The following BSN variants were observed in gnomAD, a reference collection of about 807,000 sequenced individuals.
BSN encodes protein bassoon.
A neutral mutation model predicts 264.8 loss-of-function variants in BSN; 57 were observed. That is an observed-to-expected ratio of 0.22 (90% confidence interval 0.17 to 0.27). The LOEUF (loss-of-function observed/expected upper bound fraction) is 0.27. Ranked by LOEUF, BSN falls within the 10% of genes least tolerant of loss-of-function variation. BSN has a pLI of 1.00. For synonymous variants in BSN, 2,059 were observed against 2,137.3 expected (o/e 0.96, Z 1.01); for missense variants, 4,615 against 5,232.5 (o/e 0.88, Z 3.64).
In BSN at chr3:49,585,222, T is replaced by A. The variant is rs1432962845; in HGVS notation, c.224+30396T>A. On this transcript the variant is annotated intron_variant, in intron 1 of 11. Transcript: ENST00000296452. This position sits in a 1 kb window ranked among gnomAD's most constrained non-coding sequence, Gnocchi z 4.7. ...TTGTTTTTTTTTTAATTTTAATTTT[T>A]ATTTTATTGAATTATTTTTGGTGTG... Among the ~76,000 whole-genome samples, 6 of 152,272 alleles carry A rather than the reference T, an allele frequency of 3.9e-5. No homozygotes were observed. The highest frequency in any genetic ancestry group is 2.1e-4 in the South Asian group (1 of 4,820).
chr3:49,633,375 G>C (rs771641455), intron 2 of BSN, among the ~76,000 whole-genome samples: 3 of 151,836 alleles, frequency 2.0e-5, no homozygotes, highest in African/African-American at 7.3e-5. Flanking sequence ...TTGAAACTAC[G>C]GTGAGATACC....
rs753853859 is a variant in BSN at position 49,654,124 on chromosome 3, C to T, written c.4568C>T (p.Ala1523Val). 5.0e-6 allele frequency: 8 copies of T among 1,613,992 alleles called. No individual in the cohort carries two copies. The South Asian group carries it at 8.8e-5, about 18-fold the overall frequency. ...PASDMPRSPGAPTPSPMVAQG... is the reference protein window; with the variant it reads ...PASDMPRSPGVPTPSPMVAQG... ...TCAGACATGCCACGGAGCCCTGGTGCCCCCACTCCATCACCTATGGTAGCC... is the reference window on the plus strand; with the variant it reads ...TCAGACATGCCACGGAGCCCTGGTGTCCCCACTCCATCACCTATGGTAGCC... The change falls in exon 5 of 12, where the codon GCC becomes GTC. Residue 1523 changes from alanine to valine, a missense_variant. Physicochemically the swap from Ala to Val is moderately conservative, Grantham distance 64 (BLOSUM62 0). This residue lies in a region of BSN where 3,415 missense variants were observed against 3,866.4 expected (regional missense o/e 0.88). Coordinates refer to ENST00000296452, the MANE Select transcript of BSN (RefSeq NM_003458.4). This position sits in a 1 kb window ranked among gnomAD's most constrained non-coding sequence, Gnocchi z 4.1.
intron 1 of BSN, among the ~76,000 whole-genome samples, chr3:49,567,358 G>A (rs527800793): frequency 2.6e-5 from 4 of 152,206 alleles, no homozygotes; most frequent in South Asian, 4.1e-4. Context: ...TCAGTTTTCT[G>A]TTGTTACCGT....
At position 49,668,586 on chromosome 3, in the gene BSN, C is replaced by T. The variant is rs1480728276; in HGVS notation, c.*1101C>T. The T allele has an allele frequency of 6.6e-6, 1 of 152,258 alleles. No homozygotes were observed. Among genetic ancestry groups the T allele is most frequent in the East Asian group, 2.0e-4 (1 of 5,122 alleles). The allele number at this position is 152,258 out of a possible 1,614,324, so 9.4% of individuals were successfully genotyped here. A position where few individuals can be genotyped will look rare whatever the true frequency, so the allele number is the denominator to read the frequency against. On this transcript the variant is annotated 3_prime_UTR_variant, in exon 12 of 12. Transcript: ENST00000296452. ...GGCCACCAAGAGCACAACCCCAGGG[C>T]GAGGTCTGGGGAGGCCTCCCAGCCC...
Position 49,653,914 on chromosome 3 carries a change from CCTT to C in BSN, c.4359_4361del (p.Leu1454del), listed in dbSNP as rs1319705220. The C allele has an allele frequency of 1.9e-6, 3 of 1,614,044 alleles. No individual in the cohort carries two copies. The East Asian group carries it at 6.7e-5, about 36-fold the overall frequency. ...GCTGGACGAGCTGCTAGAGAGAAGC[CCTT>C]GAGTGCGAGTGACGGTGAGGGTGGC... is the stretch of plus-strand genomic sequence containing the variant. On this transcript the variant is annotated inframe_deletion, in exon 5 of 12. Transcript: ENST00000296452. This position sits in a 1 kb window ranked among gnomAD's most constrained non-coding sequence, Gnocchi z 6.3.
In BSN at chr3:49,624,688, C is replaced by T. The variant is rs1362899656; in HGVS notation, c.225-287C>T. ...GAGTATTGGCATCACCTTAGAGCTT[C>T]TTACAATGCAGGCCCTACTCAGATC... On this transcript the variant is annotated intron_variant, in intron 1 of 11. Coordinates refer to ENST00000296452, the MANE Select transcript of BSN (RefSeq NM_003458.4). Among the ~76,000 whole-genome samples, 3 of 152,180 alleles carry T rather than the reference C, an allele frequency of 2.0e-5. No individual in the cohort carries two copies. In the East Asian group the frequency reaches 5.8e-4, roughly 29 times the overall value.
chr3:49,578,368 A>G (rs919827640), intron 1 of BSN, among the ~76,000 whole-genome samples: 4 of 151,570 alleles, frequency 2.6e-5, no homozygotes, highest in Non-Finnish European at 5.9e-5. Flanking sequence ...TGTGCCATCC[A>G]ATGGTTTTTA....
chr3:49,640,292 C>A (rs529063569), intron 2 of BSN, among the ~76,000 whole-genome samples: 1 of 152,314 alleles, frequency 6.6e-6, no homozygotes, highest in South Asian at 2.1e-4. Flanking sequence ...ATGAAGCAAG[C>A]CCCTCTGGGA....
At chr3:49,566,642 C>A (rs1433143501) in intron 1 of BSN, among the ~76,000 whole-genome samples, 1 of 151,916 alleles carries the variant, frequency 6.6e-6, no homozygotes, top group East Asian at 1.9e-4. Flanking sequence ...AAAAATTAGC[C>A]AGGCATAATG....
At chr3:49,639,081 C>T (rs1296767196) in intron 2 of BSN, among the ~76,000 whole-genome samples, 1 of 152,204 alleles carries the variant, frequency 6.6e-6, no homozygotes, top group Non-Finnish European at 1.5e-5. Context: ...GCCCCTCCCT[C>T]CCAAGAATGA....
At chr3:49,554,987 C>G (rs774622435) in intron 1 of BSN, among the ~76,000 whole-genome samples, 161 bp downstream of exon 1, 3 of 152,158 alleles carry the variant, frequency 2.0e-5, no homozygotes, top group African/African-American at 4.8e-5. Context: ...GGGAAGCGGC[C>G]CTTCCTTTCC....
At chr3:49,614,458 T>C (rs2052242579) in intron 1 of BSN, among the ~76,000 whole-genome samples, 2 of 152,122 alleles carry the variant, frequency 1.3e-5, no homozygotes, top group African/African-American at 2.4e-5. Flanking sequence ...AGCCATGGGA[T>C]AGAGGTAAAA....
intron 2 of BSN, among the ~76,000 whole-genome samples, chr3:49,641,226 G>A (rs2052460148): frequency 6.6e-6 from 1 of 152,168 alleles, no homozygotes; most frequent in Admixed American, 6.5e-5. Context: ...GGAATGGAAT[G>A]AAGTCATCAG....
In BSN at chr3:49,660,606, A is replaced by G. The variant is rs2052645625; in HGVS notation, c.8761A>G (p.Ser2921Gly). ...GGCCTCCCCACAGCTGTATGCAGCC[A>G]GCCTGCTGCAGCGAGGGCTGACGGG... ...GQASPQLYAASLLQRGLTGPT... is the reference protein window; with the variant it reads ...GQASPQLYAAGLLQRGLTGPT... Residue 2921 changes from serine to glycine, a missense_variant, in exon 6 of 12, where the codon AGC becomes GGC. Transcript: ENST00000296452. This position sits in a 1 kb window ranked among gnomAD's most constrained non-coding sequence, Gnocchi z 7.1. The G allele has an allele frequency of 6.2e-7, 1 of 1,612,708 alleles. No individual in the cohort carries two copies. The highest frequency in any genetic ancestry group is 2.2e-5 in the East Asian group (1 of 44,894).
intron 1 of BSN, among the ~76,000 whole-genome samples, chr3:49,584,039 A>AATTTT (rs933209912): frequency 3.3e-5 from 5 of 151,826 alleles, no homozygotes; most frequent in African/African-American, 4.8e-5. Flanking sequence ...ATGCCCAGCT[A>AATTTT]ATTTTTATTT....
intron 1 of BSN, among the ~76,000 whole-genome samples, chr3:49,565,701 A>C (rs1033192588): frequency 1.3e-5 from 2 of 152,216 alleles, no homozygotes; most frequent in Non-Finnish European, 2.9e-5. Context: ...AGGGTGCTTT[A>C]CTATTTAATT....
At chr3:49,646,992 C>T (rs2052506965) in intron 3 of BSN, among the ~76,000 whole-genome samples, 2 of 152,178 alleles carry the variant, frequency 1.3e-5, no homozygotes, top group Admixed American at 1.3e-4. Context: ...TCCAAGATGA[C>T]CCCTGGGCAT....
intron 1 of BSN, among the ~76,000 whole-genome samples, chr3:49,575,557 AATAT>A (rs2051839087): frequency 6.8e-6 from 1 of 146,974 alleles, no homozygotes; most frequent in African/African-American, 2.5e-5. Flanking sequence ...TATAGATGTA[AATAT>A]ATATGCGTAT....
rs775327878 is a variant in BSN at position 49,642,334 on chromosome 3, C to A, written c.700C>A (p.Pro234Thr). 1.9e-6 allele frequency: 3 copies of A among 1,599,560 alleles called. No individual in the cohort carries two copies. Among genetic ancestry groups the A allele is most frequent in the Non-Finnish European group, 2.6e-6 (3 of 1,173,054 alleles). Reference sequence around the variant, plus strand: ...TCTGGGAATGGACATGACCACTGCACCTCGCTCCAAGAGCCAGCAGCAGCT... The same window carrying A: ...TCTGGGAATGGACATGACCACTGCAACTCGCTCCAAGAGCCAGCAGCAGCT... Reference protein sequence around the residue: ...RALGMDMTTAPRSKSQQQLHS... With the variant: ...RALGMDMTTATRSKSQQQLHS... Residue 234 changes from proline to threonine, a missense_variant, in exon 3 of 12, where the codon CCT becomes ACT. This residue lies in a region of BSN where 1,197 missense variants were observed against 1,348.0 expected (regional missense o/e 0.89). Transcript: ENST00000296452. The surrounding 1 kb of genome is among the most constrained non-coding windows in gnomAD (Gnocchi z 7.0).
Sources: allele counts gnomAD v4.1 joint callset (sites outside exome capture counted in the v4.1 genomes callset), GRCh38; gene constraint gnomAD v4.1.1; regional missense constraint gnomAD v4.1.1; non-coding constraint Gnocchi (gnomAD v3.1); transcripts MANE v1.5; gene names NCBI Gene and HGNC (gene_info 2026-07-23, HGNC 2026-07-21).